Variants in FOXF2 observed in about 807,000 individuals in gnomAD.
FOXF2 encodes the protein forkhead box protein F2.
FOXF2 carries 15 observed loss-of-function variants against 29.1 expected under a neutral mutation model. The ratio of observed to expected loss-of-function variants is 0.52; its 90% CI spans 0.35 to 0.79. The LOEUF is 0.79. FOXF2 is among the 30% of genes least tolerant of loss of function. The probability of loss-of-function intolerance (pLI) is 0.01; values close to 1 mark genes in which losing one functional copy is unlikely to be tolerated. For missense variants in FOXF2, 675 were observed against 667.1 expected, an observed-to-expected ratio of 1.01 and a Z score of -0.13; for synonymous variants, 337 against 316.5, an observed-to-expected ratio of 1.06 and a Z score of -0.69.
chr6:1,393,247 C>G lies in FOXF2; in HGVS notation c.1172-1449C>G, dbSNP rs374769574. Among the ~76,000 whole-genome samples, 15 of 152,114 alleles carry G rather than the reference C, an allele frequency of 9.9e-5. 1 individual carries two copies. Among genetic ancestry groups the G allele is most frequent in the Admixed American group, 8.5e-4 (13 of 15,280 alleles). Reference sequence around the variant, plus strand: ...GTGGCCATGGTCCATGTGCCCCTGCCGGCGCAGGGGCTGCCCTGGAGTTCT... The same window carrying G: ...GTGGCCATGGTCCATGTGCCCCTGCGGGCGCAGGGGCTGCCCTGGAGTTCT... On this transcript the variant is annotated intron_variant, in intron 1 of 1. Coordinates refer to ENST00000645481, the MANE Select transcript of FOXF2 (RefSeq NM_001452.2).
At position 1,390,208 on chromosome 6, in the gene FOXF2, C is replaced by T. The variant is rs1409084144; in HGVS notation, c.261C>T (p.Gly87=). The change falls in exon 1 of 2, where the codon GGC becomes GGT. Residue 87 remains glycine (G), a synonymous_variant. Transcript: ENST00000645481. The surrounding 1 kb of genome is among the most constrained non-coding windows in gnomAD (Gnocchi z 8.5). ...GCGGCGCGGGCGCCGGGAGCGGGGG[C>T]GCCAAGAAGGCGAGCTCGGGGCTGC... The part of the protein sequence containing the change: ...GGGGAGAGSG[G]AKKASSGLRR... 3.9e-6 allele frequency: 6 copies of T among 1,535,950 alleles called. No individual in the cohort carries two copies. The highest frequency in any genetic ancestry group is 5.2e-6 in the Non-Finnish European group (6 of 1,145,422).
At position 1,394,999 on chromosome 6, in the gene FOXF2, C is replaced by T. The variant is rs1047588801; in HGVS notation, c.*140C>T. ...GCCACTTAGCCAGAATGCCCAGGAT[C>T]GCGTTGGTCACTGTTATTTGCCTAC... On this transcript the variant is annotated 3_prime_UTR_variant, in exon 2 of 2. Coordinates refer to ENST00000645481, the MANE Select transcript of FOXF2 (RefSeq NM_001452.2). 3.5e-6 allele frequency: 3 copies of T among 850,750 alleles called. No individual in the cohort carries two copies. In the African/African-American group the frequency reaches 5.0e-5, roughly 14 times the overall value. 52.7% of individuals were successfully genotyped at this position (850,750 alleles called of 1,614,324 possible).
At position 1,390,373 on chromosome 6, in the gene FOXF2, G is replaced by A. The variant is rs757846322; in HGVS notation, c.426G>A (p.Gln142=). The part of the protein sequence containing the change: ...ARFPFFRGAY[Q]GWKNSVRHNL... ...TCCCCTTCTTCCGCGGCGCCTACCA[G>A]GGCTGGAAGAACTCGGTGCGCCACA... Residue 142 remains glutamine (Q), a synonymous_variant, in exon 1 of 2, where the codon CAG becomes CAA. Coordinates refer to ENST00000645481, the MANE Select transcript of FOXF2 (RefSeq NM_001452.2). The surrounding 1 kb of genome is among the most constrained non-coding windows in gnomAD (Gnocchi z 8.5). 1 of 1,612,402 alleles carries A rather than the reference G, an allele frequency of 6.2e-7. No individual in the cohort carries two copies. The highest frequency in any genetic ancestry group is 1.1e-5 in the South Asian group (1 of 91,084).
chr6:1,392,306 G>A (rs897870217), intron 1 of FOXF2, among the ~76,000 whole-genome samples: 1 of 152,150 alleles, frequency 6.6e-6, no homozygotes, highest in Non-Finnish European at 1.5e-5. Context: ...GACCACACCG[G>A]AGAGGATTTT....
In FOXF2 at chr6:1,391,738, C is replaced by A. The variant is rs553733401; in HGVS notation, c.1171+620C>A. 2.1e-3 allele frequency among the ~76,000 whole-genome samples: 315 copies of A among 152,174 alleles called. 2 individuals carry two copies. Among genetic ancestry groups the A allele is most frequent in the Middle Eastern group, 3.4e-3 (1 of 294 alleles). On this transcript the variant is annotated intron_variant, in intron 1 of 1. Transcript: ENST00000645481. ...GAGACTCCTCCCCTTCCCTGCCTCC[C>A]CCCCCGCCCAACAATGGACCCACAT... is the stretch of plus-strand genomic sequence containing the variant.
chr6:1,394,590 T>C, intron 1 of FOXF2, 106 bp from the exon 2 acceptor site: 3 of 1,076,586 alleles, frequency 2.8e-6, no homozygotes, highest in Non-Finnish European at 2.8e-6. Flanking sequence ...AGCAATTTAC[T>C]AAAAGGCACA....
In FOXF2 at chr6:1,390,813, C is replaced by A; in HGVS notation, c.866C>A (p.Pro289Gln). 7.2e-7 allele frequency: 1 copy of A among 1,386,270 alleles called. No individual in the cohort carries two copies. Among genetic ancestry groups the A allele is most frequent in the South Asian group, 1.7e-5 (1 of 58,170 alleles). The allele number at this position is 1,386,270 out of a possible 1,614,324, so 85.9% of individuals were successfully genotyped here. A position where few individuals can be genotyped will look rare whatever the true frequency, so the allele number is the denominator to read the frequency against. ...NPGSTYMASC[P>Q]VPAGPGGVGA... ...GGTTCCACCTACATGGCCAGCTGCCCGGTGCCCGCGGGACCCGGGGGCGTC... is the reference window on the plus strand; with the variant it reads ...GGTTCCACCTACATGGCCAGCTGCCAGGTGCCCGCGGGACCCGGGGGCGTC... The change falls in exon 1 of 2, where the codon CCG becomes CAG. Residue 289 changes from proline to glutamine, a missense_variant. Pro to Gln is a moderately conservative substitution (Grantham distance 76, BLOSUM62 -1). Transcript: ENST00000645481. This position sits in a 1 kb window ranked among gnomAD's most constrained non-coding sequence, Gnocchi z 8.5.
At position 1,390,772 on chromosome 6, in the gene FOXF2, C is replaced by A; in HGVS notation, c.825C>A (p.His275Gln). ...PHHHHHHHVP[H>Q]MSPNPGSTYM... ...ACCACCACCACCACCACGTCCCGCA[C>A]ATGTCGCCCAACCCGGGTTCCACCT... Residue 275 changes from histidine to glutamine, a missense_variant, in exon 1 of 2, where the codon CAC becomes CAA. Physicochemically the swap from His to Gln is conservative, Grantham distance 24. This residue lies in a region of FOXF2 where 451 missense variants were observed against 437.2 expected (regional missense o/e 1.03). Transcript: ENST00000645481. This position sits in a 1 kb window ranked among gnomAD's most constrained non-coding sequence, Gnocchi z 8.5. 3.6e-6 allele frequency: 5 copies of A among 1,394,266 alleles called. No homozygotes were observed. Among genetic ancestry groups the A allele is most frequent in the Non-Finnish European group, 4.6e-6 (5 of 1,085,498 alleles). 86.4% of individuals were successfully genotyped at this position (1,394,266 alleles called of 1,614,324 possible). A position where few individuals can be genotyped will look rare whatever the true frequency, so the allele number is the denominator to read the frequency against.
At chr6:1,394,664 C>G in intron 1 of FOXF2, 32 bp from the exon 2 acceptor site, 3 of 1,612,924 alleles carry the variant, frequency 1.9e-6, no homozygotes, top group Non-Finnish European at 2.5e-6. Flanking sequence ...GACTTTGTTT[C>G]TGAAGAGGTT....
Position 1,394,812 on chromosome 6 carries a change from C to T in FOXF2, c.1288C>T (p.His430Tyr). ...HPSASGSYYH[H>Y]HHQSVCQDIK... Reference sequence around the variant, plus strand: ...CTCAGCTAGCGGGTCGTATTATCACCATCACCACCAGAGCGTCTGTCAGGA... The same window carrying T: ...CTCAGCTAGCGGGTCGTATTATCACTATCACCACCAGAGCGTCTGTCAGGA... The change falls in exon 2 of 2, where the codon CAT becomes TAT. Residue 430 changes from histidine to tyrosine, a missense_variant. Around this residue, in one of 3 missense-constraint regions of FOXF2, gnomAD observed 451 missense variants for 437.2 expected, o/e 1.03. Transcript: ENST00000645481. 1 of 1,614,138 alleles carries T rather than the reference C, an allele frequency of 6.2e-7. No individual in the cohort carries two copies. Among genetic ancestry groups the T allele is most frequent in the Non-Finnish European group, 8.5e-7 (1 of 1,179,988 alleles).
chr6:1,390,147 G>A lies in FOXF2; in HGVS notation c.200G>A (p.Ser67Asn), dbSNP rs566600490. ...ASSSSSSNSASAPSAACKSAG... is the reference protein window; with the variant it reads ...ASSSSSSNSANAPSAACKSAG... ...TCCTCGTCCTCCTCCAATTCGGCCAGCGCCCCCTCGGCTGCCTGCAAGAGC... is the reference window on the plus strand; with the variant it reads ...TCCTCGTCCTCCTCCAATTCGGCCAACGCCCCCTCGGCTGCCTGCAAGAGC... Residue 67 changes from serine (S) to asparagine (N), a missense_variant, in exon 1 of 2, where the codon AGC becomes AAC. Physicochemically the swap from Ser to Asn is conservative, Grantham distance 46 (BLOSUM62 1). Coordinates refer to ENST00000645481, the MANE Select transcript of FOXF2 (RefSeq NM_001452.2). The surrounding 1 kb of genome is among the most constrained non-coding windows in gnomAD (Gnocchi z 8.5). 6.9e-7 allele frequency: 1 copy of A among 1,457,090 alleles called. No individual in the cohort carries two copies. The highest frequency in any genetic ancestry group is 1.3e-5 in the South Asian group (1 of 76,682). 90.3% of individuals were successfully genotyped at this position (1,457,090 alleles called of 1,614,324 possible).
intron 1 of FOXF2, among the ~76,000 whole-genome samples, chr6:1,392,434 T>TCTCACTCACACACACACACACA (rs1554124328): frequency 9.3e-6 from 1 of 107,676 alleles, no homozygotes; most frequent in African/African-American, 3.4e-5. Flanking sequence ...CGGCTGTCAA[T>TCTCACTCACACACACACACACA]CACACACACA....
intron 1 of FOXF2, among the ~76,000 whole-genome samples, chr6:1,393,695 G>A (rs1174223663): frequency 2.0e-5 from 3 of 152,192 alleles, no homozygotes; most frequent in Admixed American, 2.0e-4. Flanking sequence ...CCGGCCCGAA[G>A]CGACGTGCAC....
intron 1 of FOXF2, among the ~76,000 whole-genome samples, chr6:1,392,433 A>ACCACACACACACAC (rs1561785439): frequency 1.9e-4 from 16 of 86,300 alleles, no homozygotes; most frequent in African/African-American, 6.7e-4. Context: ...CCGGCTGTCA[A>ACCACACACACACAC]TCACACACAC....
intron 1 of FOXF2, among the ~76,000 whole-genome samples, chr6:1,392,434 T>TCACTCTCA (rs1554124327): frequency 8.4e-5 from 9 of 107,772 alleles, no homozygotes; most frequent in Non-Finnish European, 1.4e-4. Context: ...CGGCTGTCAA[T>TCACTCTCA]CACACACACA....
intron 1 of FOXF2, among the ~76,000 whole-genome samples, chr6:1,393,844 G>T (rs1022667635): frequency 9.2e-5 from 14 of 152,240 alleles, no homozygotes; most frequent in Admixed American, 9.2e-4. Context: ...TGCGCCCCGG[G>T]GCCAGGAGGC....
Position 1,390,170 on chromosome 6 carries a change from AGCGCGGGCGGCGGCG to A in FOXF2, c.233_247del (p.Gly78_Gly82del), listed in dbSNP as rs1224984658. On this transcript the variant is annotated inframe_deletion, in exon 1 of 2. Transcript: ENST00000645481. This position sits in a 1 kb window ranked among gnomAD's most constrained non-coding sequence, Gnocchi z 8.5. ...CAGCGCCCCCTCGGCTGCCTGCAAG[AGCGCGGGCGGCGGCG>A]GCGCGGGCGCCGGGAGCGGGGGCGC... 4.1e-6 allele frequency: 6 copies of A among 1,461,710 alleles called. No homozygotes were observed. Among genetic ancestry groups the A allele is most frequent in the South Asian group, 2.7e-5 (2 of 74,308 alleles). The allele number at this position is 1,461,710 out of a possible 1,614,324, so 90.5% of individuals were successfully genotyped here. A position where few individuals can be genotyped will look rare whatever the true frequency, so the allele number is the denominator to read the frequency against.
In FOXF2 at chr6:1,390,469, G is replaced by T. The variant is rs1231368617; in HGVS notation, c.522G>T (p.Trp174Cys). ...GLGRPGKGHY[W>C]TIDPASEFMF... ...GGCGGCCCGGCAAGGGCCACTACTG[G>T]ACCATCGACCCGGCCAGCGAGTTCA... Residue 174 changes from tryptophan to cysteine, a missense_variant, in exon 1 of 2, where the codon TGG becomes TGT. Around this residue, in one of 3 missense-constraint regions of FOXF2, gnomAD observed 451 missense variants for 437.2 expected, o/e 1.03. Coordinates refer to ENST00000645481, the MANE Select transcript of FOXF2 (RefSeq NM_001452.2). The surrounding 1 kb of genome is among the most constrained non-coding windows in gnomAD (Gnocchi z 8.5). The T allele has an allele frequency of 6.2e-7, 1 of 1,612,054 alleles. No homozygotes were observed. Among genetic ancestry groups the T allele is most frequent in the African/African-American group, 1.3e-5 (1 of 75,018 alleles).
At position 1,391,032 on chromosome 6, in the gene FOXF2, C is replaced by T; in HGVS notation, c.1085C>T (p.Ala362Val). ...PPALTPSSNP[A>V]ASAGLHSSMS... ...GCCCTGACGCCCAGCAGCAACCCCGCCGCCTCGGCAGGCCTGCACTCCAGC... is the reference window on the plus strand; with the variant it reads ...GCCCTGACGCCCAGCAGCAACCCCGTCGCCTCGGCAGGCCTGCACTCCAGC... Residue 362 changes from alanine to valine, a missense_variant, in exon 1 of 2, where the codon GCC becomes GTC. By Grantham distance (64) the Ala-to-Val change is moderately conservative. This residue lies in a region of FOXF2 where 451 missense variants were observed against 437.2 expected (regional missense o/e 1.03). Coordinates refer to ENST00000645481, the MANE Select transcript of FOXF2 (RefSeq NM_001452.2). The T allele has an allele frequency of 6.2e-7, 1 of 1,600,430 alleles. No homozygotes were observed.
Sources: gnomAD v4.1 joint callset for allele counts (sites outside exome capture counted in the v4.1 genomes callset) on GRCh38, gnomAD v4.1.1 for gene constraint, gnomAD v4.1.1 regional missense constraint, Gnocchi (gnomAD v3.1) non-coding constraint, MANE v1.5 for transcripts, NCBI Gene and HGNC (gene_info 2026-07-23, HGNC 2026-07-21) for gene names.